The following GALNT3 variants were observed in gnomAD, a reference collection of about 807,000 sequenced individuals.
The protein encoded by GALNT3 is GalNAc transferase 3.
Under a neutral mutation model 69.8 loss-of-function variants are expected in GALNT3, and 51 were observed. That is an observed-to-expected ratio of 0.73 (90% CI 0.58 to 0.92). The LOEUF is 0.92. Ranked by LOEUF, GALNT3 falls within the 40% of genes least tolerant of loss-of-function variation. GALNT3 has a pLI of 0.00. For missense variants in GALNT3, 711 were observed against 760.0 expected (o/e 0.94, Z 0.76); for synonymous variants, 265 against 248.5 (o/e 1.07, Z -0.63).
intron 2 of GALNT3, among the ~76,000 whole-genome samples, chr2:165,766,941 G>C (rs1436259301): frequency 6.6e-6 from 1 of 152,132 alleles, no homozygotes; most frequent in Non-Finnish European, 1.5e-5. Flanking sequence ...AAAAAGGAGA[G>C]GATGGATTCT....
intron 1 of GALNT3, among the ~76,000 whole-genome samples, chr2:165,790,291 C>T (rs1001221423): frequency 1.3e-5 from 2 of 152,108 alleles, no homozygotes; most frequent in Non-Finnish European, 2.9e-5. Flanking sequence ...TCTCTAATGA[C>T]CTAGAATTCA....
rs575481252 is a variant in GALNT3 at position 165,755,593 on chromosome 2, A to G, written c.1393-530T>C. Among the ~76,000 whole-genome samples the G allele has an allele frequency of 1.3e-4, 20 of 152,276 alleles. No individual in the cohort carries two copies. The South Asian group carries it at 3.5e-3, about 27-fold the overall frequency. On this transcript the variant is annotated intron_variant, in intron 7 of 10. Coordinates refer to ENST00000392701, the MANE Select transcript of GALNT3 (RefSeq NM_004482.4). ...TTGCTTGTTCTTAACAATATCCCCA[A>G]CTGAACCTTTAGTAGAAAAAGGCAA...
chr2:165,762,263 A>G (rs914278890), intron 3 of GALNT3, among the ~76,000 whole-genome samples: 6 of 152,174 alleles, frequency 3.9e-5, no homozygotes, highest in Admixed American at 2.6e-4. Flanking sequence ...GTAACACAAA[A>G]CACTGTAATG....
intron 1 of GALNT3, among the ~76,000 whole-genome samples, chr2:165,781,726 T>C (rs1313717826): frequency 1.3e-5 from 2 of 152,154 alleles, no homozygotes; most frequent in African/African-American, 4.8e-5. Flanking sequence ...ATCTAAAGTA[T>C]TTGCTACTTT....
At chr2:165,781,696 C>G (rs1037696903) in intron 1 of GALNT3, among the ~76,000 whole-genome samples, 1 of 151,778 alleles carries the variant, frequency 6.6e-6, no homozygotes, top group Admixed American at 6.6e-5. Context: ...CCTTCTAATT[C>G]TTATATGCTC....
At position 165,778,692 on chromosome 2, in the gene GALNT3, C is replaced by T. The variant is rs188614272; in HGVS notation, c.-108-7884G>A. ...AGAAGTACTTCATTCATGGGACTTA[C>T]CAGAAATCTGCCCCTGAAGTTCCAG... On this transcript the variant is annotated intron_variant, in intron 1 of 10. Transcript: ENST00000392701. 5.3e-5 allele frequency among the ~76,000 whole-genome samples: 8 copies of T among 152,272 alleles called. No individual in the cohort carries two copies. The East Asian group carries it at 1.2e-3, about 22-fold the overall frequency.
rs761396172 is a variant in GALNT3, at chr2:165,765,058, T to A, written c.516-2A>T. ...CGCTTAAATTTTTGTTCAATACATC[T>A]AGAAGAAGTCAGAGAAGTAGAAAAA... is the stretch of plus-strand genomic sequence containing the variant. On this transcript the variant is annotated splice_acceptor_variant, in intron 2 of 10. Transcript: ENST00000392701. LOFTEE classifies it high-confidence loss of function. The A allele has an allele frequency of 1.2e-5, 19 of 1,613,006 alleles. No homozygotes were observed. In the African/African-American group the frequency reaches 2.4e-4, roughly 20 times the overall value.
intron 1 of GALNT3, among the ~76,000 whole-genome samples, chr2:165,777,330 A>AT (rs1405140958): frequency 6.6e-6 from 1 of 152,258 alleles, no homozygotes; most frequent in African/African-American, 2.4e-5. Flanking sequence ...TAGATTATAG[A>AT]TTAAGAAAAG....
At chr2:165,764,663 A>C (rs755651801) in intron 3 of GALNT3, among the ~76,000 whole-genome samples, 8 of 152,202 alleles carry the variant, frequency 5.3e-5, no homozygotes, top group Non-Finnish European at 8.8e-5. Context: ...TCTCACATTG[A>C]GGACTACATA....
intron 4 of GALNT3, among the ~76,000 whole-genome samples, chr2:165,761,459 A>G (rs1389060161): frequency 1.3e-5 from 2 of 152,034 alleles, no homozygotes; most frequent in African/African-American, 2.4e-5. Flanking sequence ...TGATTCACCA[A>G]CGCCGGCCTC....
chr2:165,779,104 A>G (rs1487742011), intron 1 of GALNT3, among the ~76,000 whole-genome samples: 1 of 152,218 alleles, frequency 6.6e-6, no homozygotes, highest in Non-Finnish European at 1.5e-5. Flanking sequence ...TGTTCTGCAG[A>G]TACCTAGTAC....
intron 4 of GALNT3, among the ~76,000 whole-genome samples, 184 bp from the exon 5 acceptor site, chr2:165,759,754 T>C (rs1688510970): frequency 1.3e-5 from 2 of 152,202 alleles, no homozygotes; most frequent in South Asian, 4.1e-4. Context: ...ATTCTATACA[T>C]TTGCAGTGTA....
rs1393867781 is a variant in GALNT3 at position 165,750,977 on chromosome 2, G to C, written c.1627-1083C>G. 2.6e-5 allele frequency among the ~76,000 whole-genome samples: 4 copies of C among 152,030 alleles called. No individual in the cohort carries two copies. The East Asian group carries it at 7.7e-4, about 29-fold the overall frequency. ...TGGCTTTGCCTGAATTTGCCCTGCTGCACAAAATTACAATCTTTTCAAGGT... is the reference window on the plus strand; with the variant it reads ...TGGCTTTGCCTGAATTTGCCCTGCTCCACAAAATTACAATCTTTTCAAGGT... On this transcript the variant is annotated intron_variant, in intron 9 of 10. Transcript: ENST00000392701.
At chr2:165,757,002 T>A (rs1289677460) in intron 7 of GALNT3, 45 bp downstream of exon 7, 1 of 1,461,966 alleles carries the variant, frequency 6.8e-7, no homozygotes, top group East Asian at 2.3e-5. Flanking sequence ...ACGTGTGAAC[T>A]TGTTATAGAT....
chr2:165,790,365 T>C (rs1000882760), intron 1 of GALNT3, among the ~76,000 whole-genome samples: 1 of 152,222 alleles, frequency 6.6e-6, no homozygotes, highest in African/African-American at 2.4e-5. Context: ...ACTGCTGGAA[T>C]TGATTTGAAT....
At chr2:165,759,292 T>A (rs748434732) in intron 5 of GALNT3, 44 bp downstream of exon 5, 2 of 1,446,436 alleles carry the variant, frequency 1.4e-6, no homozygotes, top group East Asian at 4.6e-5. Flanking sequence ...ATTCAATGTA[T>A]GGTATAGGGT....
At chr2:165,761,857 G>A (rs1422747634) in intron 4 of GALNT3, 48 bp downstream of exon 4, 3 of 1,587,748 alleles carry the variant, frequency 1.9e-6, no homozygotes, top group Admixed American at 3.3e-5. Context: ...TAAATTAGAG[G>A]GAGAGGGAGG....
At chr2:165,781,948 T>C (rs565212913) in intron 1 of GALNT3, among the ~76,000 whole-genome samples, 2 of 152,298 alleles carry the variant, frequency 1.3e-5, no homozygotes, top group East Asian at 1.9e-4. Context: ...AATAGCTACA[T>C]ACCAAATGCC....
intron 1 of GALNT3, among the ~76,000 whole-genome samples, chr2:165,778,388 G>A (rs1185962539): frequency 1.3e-5 from 2 of 152,118 alleles, no homozygotes; most frequent in African/African-American, 2.4e-5. Context: ...CATAGTTGTT[G>A]GCTTTTGGAT....
Sources: gnomAD v4.1 joint callset for allele counts (sites outside exome capture counted in the v4.1 genomes callset) on GRCh38, gnomAD v4.1.1 for gene constraint, MANE v1.5 for transcripts, NCBI Gene and HGNC (gene_info 2026-07-23, HGNC 2026-07-21) for gene names.